Variants in IFIT5 observed in about 807,000 individuals in gnomAD.
IFIT5 encodes interferon-induced protein with tetratricopeptide repeats 5.
A neutral mutation model predicts 5.0 loss-of-function variants in IFIT5; 2 were observed. The observed-to-expected ratio is 0.40, with a 90% CI of 0.16 to 1.26. The LOEUF is 1.26. Among genes scored for constraint, IFIT5 ranks in the 50% most tolerant of loss-of-function variants. IFIT5 has a pLI of 0.33. For missense variants in IFIT5, 524 were observed against 563.2 expected (o/e 0.93, Z 0.70); for synonymous variants, 206 against 204.6 (o/e 1.01, Z -0.06).
rs978004153 is a variant in IFIT5, at chr10:89,417,801, T to C, written c.602T>C (p.Leu201Pro). The C allele has an allele frequency of 1.6e-5, 26 of 1,614,204 alleles. No individual in the cohort carries two copies. Among genetic ancestry groups the C allele is most frequent in the Non-Finnish European group, 2.1e-5 (25 of 1,180,022 alleles). The change falls in exon 2 of 2, where the codon CTG becomes CCG. Residue 201 changes from leucine to proline, a missense_variant. Transcript: ENST00000371795. Reference protein sequence around the residue: ...DREGSVKSFSLGPLRKAVTLN... With the variant: ...DREGSVKSFSPGPLRKAVTLN... ...GAAGGGTCTGTAAAGAGCTTTTCTC[T>C]GGGGCCTTTGAGAAAGGCTGTTACC... is the stretch of plus-strand genomic sequence containing the variant.
rs747098320 is a variant in IFIT5, at chr10:89,418,157, A to T, written c.958A>T (p.Ile320Phe). 1 of 1,614,214 alleles carries T rather than the reference A, an allele frequency of 6.2e-7. No homozygotes were observed. The change falls in exon 2 of 2, where the codon ATT becomes TTT. Residue 320 changes from isoleucine (I) to phenylalanine (F), a missense_variant. By Grantham distance (21) the Ile-to-Phe change is conservative. Transcript: ENST00000371795. ...GKDKLKVDEL[I>F]SSAIFHFKAA... Reference sequence around the variant, plus strand: ...GGATAAACTAAAGGTTGATGAGCTGATTTCATCTGCTATATTTCATTTCAA... The same window carrying T: ...GGATAAACTAAAGGTTGATGAGCTGTTTTCATCTGCTATATTTCATTTCAA...
At position 89,414,790 on chromosome 10, in the gene IFIT5, G is replaced by A. The variant is rs1242464232; in HGVS notation, c.-9G>A. On this transcript the variant is annotated 5_prime_UTR_variant, in exon 1 of 2. Transcript: ENST00000371795. Reference sequence around the variant, plus strand: ...GCGCCGCCCGGACGGCCTGCAGAGCGCTGCCATCATGAGGTAAGGGTTTTC... The same window carrying A: ...GCGCCGCCCGGACGGCCTGCAGAGCACTGCCATCATGAGGTAAGGGTTTTC... 1.2e-5 allele frequency: 20 copies of A among 1,608,562 alleles called. No homozygotes were observed. The highest frequency in any genetic ancestry group is 1.7e-5 in the Non-Finnish European group (20 of 1,177,920).
chr10:89,414,950 A>G, intron 1 of IFIT5, 147 bp downstream of exon 1: 4 of 1,102,206 alleles, frequency 3.6e-6, no homozygotes, highest in Non-Finnish European at 5.0e-6. Context: ...TGCGTTGGGG[A>G]CCCTCCCCGG....
At position 89,417,443 on chromosome 10, in the gene IFIT5, C is replaced by G; in HGVS notation, c.244C>G (p.Gln82Glu). 1.2e-6 allele frequency: 2 copies of G among 1,614,144 alleles called. No homozygotes were observed. The highest frequency in any genetic ancestry group is 2.7e-5 in the African/African-American group (2 of 75,040). Reference protein sequence around the residue: ...ECLEQAEEIIQQEHSDKEEVR... With the variant: ...ECLEQAEEIIEQEHSDKEEVR... ...CTTGGAACAAGCAGAAGAAATAATC[C>G]AGCAAGAACACTCAGACAAAGAAGA... The change falls in exon 2 of 2, where the codon CAG becomes GAG. Residue 82 changes from glutamine (Q) to glutamate (E), a missense_variant. Gln to Glu is a conservative substitution (Grantham distance 29). Transcript: ENST00000371795.
At chr10:89,415,068 C>T (rs1330517645) in intron 1 of IFIT5, among the ~76,000 whole-genome samples, 2 of 152,216 alleles carry the variant, frequency 1.3e-5, no homozygotes, top group African/African-American at 2.4e-5. Flanking sequence ...GAAGGCCGGT[C>T]AGGGAGGAGG....
intron 1 of IFIT5, 35 bp downstream of exon 1, chr10:89,414,838 TGCGTCGGCCTTGGTTTCAAACC>T: frequency 6.2e-7 from 1 of 1,605,334 alleles, no homozygotes; most frequent in Non-Finnish European, 8.5e-7. Flanking sequence ...TCCCAAGCCC[TGCGTCGGCCTTGGTTTCAAACC>T]GGGCTGCTTT....
In IFIT5 at chr10:89,417,682, G is replaced by A. The variant is rs147024608; in HGVS notation, c.483G>A (p.Ala161=). The A allele has an allele frequency of 4.2e-4, 680 of 1,614,158 alleles. 2 individuals are homozygous for A. The Middle Eastern group carries it at 5.6e-3, about 13-fold the overall frequency. ...GAAAGTATTATCAAAAGGCTAAAGC[G>A]GCTTTTGAGAAGGCTCTGGAAGTGG... ...FGGKYYQKAK[A]AFEKALEVEP... Residue 161 remains alanine, a synonymous_variant, in exon 2 of 2, where the codon GCG becomes GCA. Transcript: ENST00000371795.
Position 89,418,793 on chromosome 10 carries a change from A to G in IFIT5, c.*145A>G. On this transcript the variant is annotated 3_prime_UTR_variant, in exon 2 of 2. Transcript: ENST00000371795. ...TTGTGTACCAAGCATTGTGCTAAATACTTTATATGCATTATGATGAATCTT... is the reference window on the plus strand; with the variant it reads ...TTGTGTACCAAGCATTGTGCTAAATGCTTTATATGCATTATGATGAATCTT... 1.4e-6 allele frequency: 1 copy of G among 730,778 alleles called. No individual in the cohort carries two copies. The highest frequency in any genetic ancestry group is 2.1e-6 in the Non-Finnish European group (1 of 471,870). 45.3% of individuals were successfully genotyped at this position (730,778 alleles called of 1,614,324 possible). A position where few individuals can be genotyped will look rare whatever the true frequency, so the allele number is the denominator to read the frequency against.
chr10:89,414,908 G>A, intron 1 of IFIT5, 105 bp downstream of exon 1: 2 of 1,424,250 alleles, frequency 1.4e-6, no homozygotes, highest in East Asian at 2.8e-5. Flanking sequence ...CTTTTCAGGG[G>A]CCGAGCCCCT....
At position 89,414,668 on chromosome 10, in the gene IFIT5, G is replaced by A. The variant is rs1045792994; in HGVS notation, c.-131G>A. ...AAGACACGCCGCGCGGCCGAGTCCA[G>A]GGGCTGCAGAGGCCTGGCGCGCGCA... is the stretch of plus-strand genomic sequence containing the variant. On this transcript the variant is annotated 5_prime_UTR_variant, in exon 1 of 2. Transcript: ENST00000371795. 2.8e-6 allele frequency: 3 copies of A among 1,061,002 alleles called. No individual in the cohort carries two copies. The highest frequency in any genetic ancestry group is 3.9e-6 in the Non-Finnish European group (3 of 776,998). The allele number at this position is 1,061,002 out of a possible 1,614,324, so 65.7% of individuals were successfully genotyped here.
At chr10:89,415,535 A>G (rs1376947889) in intron 1 of IFIT5, among the ~76,000 whole-genome samples, 3 of 151,994 alleles carry the variant, frequency 2.0e-5, no homozygotes, top group African/African-American at 7.2e-5. Context: ...GGATTTCTTT[A>G]TCTGTTTCCT....
chr10:89,419,540 A>T lies in IFIT5; in HGVS notation c.*892A>T, dbSNP rs1351529108. On this transcript the variant is annotated 3_prime_UTR_variant, in exon 2 of 2. Coordinates refer to ENST00000371795, the MANE Select transcript of IFIT5 (RefSeq NM_012420.3). ...AGATGTCCCTAACCTACACCCATAGATTACCAAGGTTTCAGTGTACTAGTT... is the reference window on the plus strand; with the variant it reads ...AGATGTCCCTAACCTACACCCATAGTTTACCAAGGTTTCAGTGTACTAGTT... 1 of 152,184 alleles carries T rather than the reference A, an allele frequency of 6.6e-6. No homozygotes were observed. Among genetic ancestry groups the T allele is most frequent in the Admixed American group, 6.5e-5 (1 of 15,278 alleles). 9.4% of individuals were successfully genotyped at this position (152,184 alleles called of 1,614,324 possible).
chr10:89,417,337 C>G lies in IFIT5; in HGVS notation c.138C>G (p.Thr46=), dbSNP rs1841548649. 2 of 1,613,950 alleles carry G rather than the reference C, an allele frequency of 1.2e-6. No homozygotes were observed. ...TTGGGCAACAGCTTGAATTTCTTAC[C>G]ACAAAATCTAGACTTGCTCTTTATA... is the stretch of plus-strand genomic sequence containing the variant. The part of the protein sequence containing the change: ...DTIGQQLEFL[T]TKSRLALYNL... The change falls in exon 2 of 2, where the codon ACC becomes ACG. Residue 46 remains threonine (T), a synonymous_variant. Transcript: ENST00000371795.
At position 89,418,688 on chromosome 10, in the gene IFIT5, A is replaced by G; in HGVS notation, c.*40A>G. On this transcript the variant is annotated 3_prime_UTR_variant, in exon 2 of 2. Coordinates refer to ENST00000371795, the MANE Select transcript of IFIT5 (RefSeq NM_012420.3). ...AAATTAGCTCTAAGTTTTTCCCTTCATTTTGGGTTCTCCTGTTTGTTTTTT... is the reference window on the plus strand; with the variant it reads ...AAATTAGCTCTAAGTTTTTCCCTTCGTTTTGGGTTCTCCTGTTTGTTTTTT... The G allele has an allele frequency of 6.5e-7, 1 of 1,538,092 alleles. No homozygotes were observed.
chr10:89,414,751 C>A lies in IFIT5; in HGVS notation c.-48C>A, dbSNP rs762626795. 2 of 1,599,592 alleles carry A rather than the reference C, an allele frequency of 1.3e-6. No homozygotes were observed. Among genetic ancestry groups the A allele is most frequent in the South Asian group, 2.2e-5 (2 of 89,596 alleles). ...GCGGTCCCCGGTGCTGAGGAGAGAGCGATCCGAGGGACTGCGCCGCCCGGA... is the reference window on the plus strand; with the variant it reads ...GCGGTCCCCGGTGCTGAGGAGAGAGAGATCCGAGGGACTGCGCCGCCCGGA... On this transcript the variant is annotated 5_prime_UTR_variant, in exon 1 of 2. Coordinates refer to ENST00000371795, the MANE Select transcript of IFIT5 (RefSeq NM_012420.3).
In IFIT5 at chr10:89,414,770, G is replaced by A. The variant is rs752090674; in HGVS notation, c.-29G>A. On this transcript the variant is annotated 5_prime_UTR_variant, in exon 1 of 2. Transcript: ENST00000371795. ...AGAGAGCGATCCGAGGGACTGCGCC[G>A]CCCGGACGGCCTGCAGAGCGCTGCC... 4 of 1,606,260 alleles carry A rather than the reference G, an allele frequency of 2.5e-6. No homozygotes were observed. Among genetic ancestry groups the A allele is most frequent in the Non-Finnish European group, 3.4e-6 (4 of 1,177,340 alleles).
Position 89,414,581 on chromosome 10 carries a change from TC to T in IFIT5, c.-217del, listed in dbSNP as rs1465380168. 1 of 468,852 alleles carries T rather than the reference TC, an allele frequency of 2.1e-6. No homozygotes were observed. Among genetic ancestry groups the T allele is most frequent in the African/African-American group, 2.1e-5 (1 of 48,758 alleles). The allele number at this position is 468,852 out of a possible 1,614,324, so 29.0% of individuals were successfully genotyped here. A position where few individuals can be genotyped will look rare whatever the true frequency, so the allele number is the denominator to read the frequency against. ...TTCTTAAGTTTCAGTTTCTGAGCGC[TC>T]GGCATCTGATTCAATCTCCAGTTTC... On this transcript the variant is annotated 5_prime_UTR_variant, in exon 1 of 2. Coordinates refer to ENST00000371795, the MANE Select transcript of IFIT5 (RefSeq NM_012420.3).
Position 89,414,707 on chromosome 10 carries a change from G to A in IFIT5, c.-92G>A. 4.0e-6 allele frequency: 6 copies of A among 1,494,012 alleles called. No individual in the cohort carries two copies. Among genetic ancestry groups the A allele is most frequent in the South Asian group, 1.3e-5 (1 of 78,988 alleles). 92.5% of individuals were successfully genotyped at this position (1,494,012 alleles called of 1,614,324 possible). On this transcript the variant is annotated 5_prime_UTR_variant, in exon 1 of 2. Transcript: ENST00000371795. ...CTGGCGCGCGCACGCGCACGCGCACGCCCACCGCGCGGCTTCCCGCGGTCC... is the reference window on the plus strand; with the variant it reads ...CTGGCGCGCGCACGCGCACGCGCACACCCACCGCGCGGCTTCCCGCGGTCC...
rs1349495283 is a variant in IFIT5, at chr10:89,419,954, T to A, written c.*1306T>A. 1 of 152,102 alleles carries A rather than the reference T, an allele frequency of 6.6e-6. No individual in the cohort carries two copies. The highest frequency in any genetic ancestry group is 1.5e-5 in the Non-Finnish European group (1 of 68,006). 9.4% of individuals were successfully genotyped at this position (152,102 alleles called of 1,614,324 possible). On this transcript the variant is annotated 3_prime_UTR_variant, in exon 2 of 2. Transcript: ENST00000371795. Reference sequence around the variant, plus strand: ...GTATGTGTGTGTGTTTTACTTTTTGTTTTTTATCATCTTTAAAATTTCTAT... The same window carrying A: ...GTATGTGTGTGTGTTTTACTTTTTGATTTTTATCATCTTTAAAATTTCTAT...
Sources: allele counts gnomAD v4.1 joint callset (sites outside exome capture counted in the v4.1 genomes callset), GRCh38; gene constraint gnomAD v4.1.1; transcripts MANE v1.5; gene names NCBI Gene and HGNC (gene_info 2026-07-23, HGNC 2026-07-21).